The following KCNMA1 variants were observed in gnomAD, a reference collection of about 807,000 sequenced individuals.
KCNMA1 encodes the protein Calcium-activated potassium channel subunit alpha-1.
In KCNMA1, 29 loss-of-function variants were observed where a neutral mutation model predicts 140.0. The observed-to-expected ratio is 0.21, with a 90% CI of 0.15 to 0.28. The LOEUF is 0.28. KCNMA1 is among the 10% of genes least tolerant of loss of function. The pLI, the probability that KCNMA1 is intolerant of heterozygous loss-of-function variation, is 1.00. For synonymous variants in KCNMA1, 612 were observed against 611.9 expected (o/e 1.00, Z 0.00); for missense variants, 880 against 1,602.2 (o/e 0.55, Z 7.70).
intron 1 of KCNMA1, among the ~76,000 whole-genome samples, chr10:77,431,681 T>TA (rs71028276): frequency 0.028 from 2,095 of 75,094 alleles, 70 homozygotes; most frequent in East Asian, 0.066. Flanking sequence ...TGGTCTGTTG[T>TA]AAAAAAAAAA....
At chr10:77,082,790 A>G (rs1417521017) in intron 12 of KCNMA1, among the ~76,000 whole-genome samples, 1 of 152,190 alleles carries the variant, frequency 6.6e-6, no homozygotes, top group African/African-American at 2.4e-5. Context: ...GAGTTCACGC[A>G]TCCACTTCCT....
chr10:77,581,794 A>C (rs902074332), intron 1 of KCNMA1, among the ~76,000 whole-genome samples: 23 of 152,204 alleles, frequency 1.5e-4, no homozygotes, highest in African/African-American at 5.3e-4. Flanking sequence ...TGGTGGCCTT[A>C]GAAGGACAGG....
intron 1 of KCNMA1, among the ~76,000 whole-genome samples, chr10:77,481,656 T>C (rs574732442): frequency 2.0e-5 from 3 of 151,300 alleles, no homozygotes; most frequent in Non-Finnish European, 4.4e-5. Flanking sequence ...GCCCCTGTAG[T>C]CCCAGCTACT....
intron 2 of KCNMA1, among the ~76,000 whole-genome samples, chr10:77,364,198 C>A (rs2094190634): frequency 6.6e-6 from 1 of 152,124 alleles, no homozygotes; most frequent in Non-Finnish European, 1.5e-5. Flanking sequence ...CACCTGTAAT[C>A]CCAGCACTTT....
At chr10:77,391,612 TTTTGTTTGTTTGTTTG>T (rs139101372) in intron 2 of KCNMA1, among the ~76,000 whole-genome samples, 8 of 149,748 alleles carry the variant, frequency 5.3e-5, no homozygotes, top group African/African-American at 1.5e-4. Flanking sequence ...GAAGTAGGTT[TTTTGTTTGTTTGTTTG>T]TTTGTTTGTT....
intron 1 of KCNMA1, among the ~76,000 whole-genome samples, chr10:77,518,926 C>A (rs2051684586): frequency 6.6e-6 from 1 of 152,246 alleles, no homozygotes; most frequent in African/African-American, 2.4e-5. Context: ...TGCTGCCCAG[C>A]ACCCACTGTC....
intron 20 of KCNMA1, among the ~76,000 whole-genome samples, chr10:76,964,657 C>A (rs1418267587): frequency 6.6e-6 from 1 of 152,174 alleles, no homozygotes; most frequent in Admixed American, 6.5e-5. Context: ...TGACTTGGCT[C>A]AGTCCATTTT....
intron 19 of KCNMA1, among the ~76,000 whole-genome samples, chr10:76,990,445 A>C (rs146337995): frequency 2.6e-5 from 4 of 152,326 alleles, no homozygotes; most frequent in African/African-American, 9.6e-5. Context: ...CATAGAGAGG[A>C]GGAAATACAG....
In KCNMA1 at chr10:76,886,742, A is replaced by G. The variant is rs1284962083; in HGVS notation, c.*524T>C. ...AATGCTTCGCAATACTTCGGCCCAG[A>G]GACTGGAAACAATCAATATGTTTTC... On this transcript the variant is annotated 3_prime_UTR_variant, in exon 28 of 28. Coordinates refer to ENST00000286628, the MANE Select transcript of KCNMA1 (RefSeq NM_001161352.2). 9.9e-7 allele frequency: 1 copy of G among 1,010,142 alleles called. No individual in the cohort carries two copies. Among genetic ancestry groups the G allele is most frequent in the African/African-American group, 1.7e-5 (1 of 57,544 alleles). 62.6% of individuals were successfully genotyped at this position (1,010,142 alleles called of 1,614,324 possible).
intron 1 of KCNMA1, among the ~76,000 whole-genome samples, chr10:77,443,850 A>G (rs7922961): frequency 0.11 from 16,193 of 152,262 alleles, 913 homozygotes; most frequent in South Asian, 0.16. Context: ...AGTTTGATAG[A>G]TCAGTAGGGT....
At chr10:76,877,654 G>C (rs964818295), downstream of KCNMA1, 5 of 1,315,404 alleles carry the variant, frequency 3.8e-6, no homozygotes, top group Admixed American at 6.2e-5. Flanking sequence ...GTTTCCACCA[G>C]TGATTCAGCA....
At chr10:77,051,675 C>A (rs2095370366) in intron 14 of KCNMA1, among the ~76,000 whole-genome samples, 1 of 152,168 alleles carries the variant, frequency 6.6e-6, no homozygotes, top group Admixed American at 6.5e-5. Context: ...TGAGTGCTCA[C>A]TGAGTACAGC....
chr10:77,550,150 A>C (rs1358210058), intron 1 of KCNMA1, among the ~76,000 whole-genome samples: 1 of 152,236 alleles, frequency 6.6e-6, no homozygotes, highest in African/African-American at 2.4e-5. Flanking sequence ...GGACCAAGTC[A>C]GAGCAAAGGA....
downstream of KCNMA1, chr10:76,877,169 G>C (rs1370085006): frequency 6.5e-6 from 1 of 152,822 alleles, no homozygotes; most frequent in Non-Finnish European, 1.5e-5. Context: ...TTAAGAGCTG[G>C]TGTCAATGCA....
At position 77,217,897 on chromosome 10, in the gene KCNMA1, G is replaced by T. The variant is rs188524498; in HGVS notation, c.603-32981C>A. ...TCGATAACCACCAGGGATTCTTGAT[G>T]TGCAGGAATGTCATGAGACCAAAAT... On this transcript the variant is annotated intron_variant, in intron 3 of 27. Coordinates refer to ENST00000286628, the MANE Select transcript of KCNMA1 (RefSeq NM_001161352.2). 1.7e-3 allele frequency among the ~76,000 whole-genome samples: 258 copies of T among 152,292 alleles called. No individual in the cohort carries two copies. The Middle Eastern group carries it at 0.02, about 12-fold the overall frequency.
chr10:77,018,227 T>C (rs896503910), intron 17 of KCNMA1, among the ~76,000 whole-genome samples: 3 of 152,208 alleles, frequency 2.0e-5, no homozygotes, highest in African/African-American at 7.2e-5. Context: ...AATAGGCTTA[T>C]ATAACTAATG....
At chr10:77,081,094 G>A (rs774880735) in intron 12 of KCNMA1, among the ~76,000 whole-genome samples, 23 of 152,064 alleles carry the variant, frequency 1.5e-4, no homozygotes, top group Non-Finnish European at 2.9e-4. Flanking sequence ...CAGGCCTCAC[G>A]TGTCCTCCCC....
At chr10:76,983,061 T>A (rs2080065983) in intron 19 of KCNMA1, among the ~76,000 whole-genome samples, 1 of 152,214 alleles carries the variant, frequency 6.6e-6, no homozygotes, top group Non-Finnish European at 1.5e-5. Context: ...CTCCAGCTGA[T>A]CCCATCCCCT....
chr10:76,952,209 T>C (rs995920365), intron 21 of KCNMA1: 6 of 1,543,542 alleles, frequency 3.9e-6, no homozygotes, highest in Non-Finnish European at 5.3e-6. Flanking sequence ...AGGGCAAAAG[T>C]GCCATGAATA....
Sources: gnomAD v4.1 joint callset for allele counts (sites outside exome capture counted in the v4.1 genomes callset) on GRCh38, gnomAD v4.1.1 for gene constraint, MANE v1.5 for transcripts, NCBI Gene and HGNC (gene_info 2026-07-23, HGNC 2026-07-21) for gene names.